TRIO: variants seen among roughly 807,000 people sequenced by gnomAD.
TRIO encodes the protein trio Rho guanine nucleotide exchange factor, also known as triple functional domain protein.
Under a neutral mutation model 351.9 loss-of-function variants are expected in TRIO, and 58 were observed. The ratio of observed to expected loss-of-function variants is 0.16; its 90% confidence interval spans 0.13 to 0.21. The LOEUF (loss-of-function observed/expected upper bound fraction) is 0.21. Ranked by LOEUF, TRIO falls within the 10% of genes least tolerant of loss-of-function variation. The pLI is 1.00. For missense variants in TRIO, 3,201 were observed against 4,027.8 expected, an observed-to-expected ratio of 0.79 and a Z score of 5.56; for synonymous variants, 1,758 against 1,595.7, an observed-to-expected ratio of 1.10 and a Z score of -2.42.
chr5:14,158,918 G>A (rs977864483), intron 1 of TRIO, among the ~76,000 whole-genome samples: 2 of 152,204 alleles, frequency 1.3e-5, no homozygotes, highest in Admixed American at 1.3e-4. Flanking sequence ...TTCAGTTATT[G>A]AGTGTTTACT....
intron 7 of TRIO, among the ~76,000 whole-genome samples, chr5:14,299,929 C>G (rs1383005890): frequency 6.6e-6 from 1 of 152,224 alleles, no homozygotes; most frequent in Non-Finnish European, 1.5e-5. Flanking sequence ...TGGTGGTGTG[C>G]TAGCATTTGC....
At chr5:14,326,192 C>G (rs1581624355) in intron 9 of TRIO, among the ~76,000 whole-genome samples, 1 of 152,322 alleles carries the variant, frequency 6.6e-6, no homozygotes, top group East Asian at 1.9e-4. Context: ...GGATGGCTCA[C>G]TGCACACACA....
rs55799712 is a variant in TRIO, at chr5:14,308,649, T to TCATC, written c.1500+4089_1500+4092dup. On this transcript the variant is annotated intron_variant, in intron 8 of 56. Coordinates refer to ENST00000344204, the MANE Select transcript of TRIO (RefSeq NM_007118.4). ...AACCAGTCACCCAACCACCCATTCA[T>TCATC]CATCCATCCATCCATCCATCCATCC... Among the ~76,000 whole-genome samples the TCATC allele has an allele frequency of 4.8e-3, 669 of 139,384 alleles. 4 individuals are homozygous for TCATC. Among genetic ancestry groups the TCATC allele is most frequent in the East Asian group, 0.011 (49 of 4,344 alleles). The allele number at this position is 139,384 out of a possible 152,430, so 91.4% of individuals were successfully genotyped here.
intron 34 of TRIO, among the ~76,000 whole-genome samples, chr5:14,454,633 G>A (rs1753110855): frequency 6.6e-6 from 1 of 152,210 alleles, no homozygotes; most frequent in Admixed American, 6.5e-5. Context: ...TTAAGCTCCA[G>A]GTGTATGCCA....
chr5:14,418,477 G>A (rs543681539), intron 33 of TRIO, among the ~76,000 whole-genome samples: 7 of 152,286 alleles, frequency 4.6e-5, no homozygotes, highest in Admixed American at 1.3e-4. Context: ...CTGCTCGACA[G>A]CATTTGGAGG....
In TRIO at chr5:14,406,044, C is replaced by T. The variant is rs942162275; in HGVS notation, c.4859+54C>T. On this transcript the variant is annotated intron_variant, in intron 32 of 56. Coordinates refer to ENST00000344204, the MANE Select transcript of TRIO (RefSeq NM_007118.4). ...GTGGATGTGGGAGGGAGGGGCGAGG[C>T]GGTGTTAGCTCACCCTGCTTCAAAA... The T allele has an allele frequency of 1.6e-5, 25 of 1,589,040 alleles. No individual in the cohort carries two copies. The African/African-American group carries it at 2.2e-4, about 14-fold the overall frequency.
In TRIO at chr5:14,363,892, A is replaced by G; in HGVS notation, c.2552A>G (p.Asp851Gly). Residue 851 changes from aspartate (D) to glycine (G), a missense_variant, in exon 14 of 57, where the codon GAT becomes GGT. By Grantham distance (94) the Asp-to-Gly change is moderately conservative. This residue lies in a region of TRIO where 363 missense variants were observed against 553.5 expected (regional missense o/e 0.66). Transcript: ENST00000344204. ...LTFDVIHQGQ[D>G]LLQYVNEVQA... ...TTTGACGTCATCCACCAAGGGCAAG[A>G]TCTTCTGCAGTATGTCAATGAGGTC... is the stretch of plus-strand genomic sequence containing the variant. 6.2e-7 allele frequency: 1 copy of G among 1,614,194 alleles called. No homozygotes were observed. The highest frequency in any genetic ancestry group is 8.5e-7 in the Non-Finnish European group (1 of 1,180,038).
chr5:14,420,260 G>A (rs1255862115), intron 34 of TRIO: 5 of 556,690 alleles, frequency 9.0e-6, no homozygotes, highest in African/African-American at 1.9e-5. Context: ...GGTGTAGTGA[G>A]ATATGACATC....
intron 1 of TRIO, among the ~76,000 whole-genome samples, chr5:14,246,043 T>G (rs1176818129): frequency 6.6e-6 from 1 of 152,200 alleles, no homozygotes; most frequent in Non-Finnish European, 1.5e-5. Flanking sequence ...AAAACACTCA[T>G]TATCCATTCC....
At chr5:14,389,247 T>C (rs1334324306) in intron 24 of TRIO, 42 bp from the exon 25 acceptor site, 3 of 1,460,860 alleles carry the variant, frequency 2.1e-6, no homozygotes, top group African/African-American at 1.4e-5. Flanking sequence ...CTTGAAAATA[T>C]GGTGATTATT....
chr5:14,223,969 A>G (rs1400775518), intron 1 of TRIO, among the ~76,000 whole-genome samples: 2 of 152,338 alleles, frequency 1.3e-5, no homozygotes, highest in South Asian at 2.1e-4. Flanking sequence ...CAGGAAGTAC[A>G]TAGTTAGAGA....
chr5:14,457,986 A>G (rs1199149119), intron 34 of TRIO, among the ~76,000 whole-genome samples: 2 of 151,460 alleles, frequency 1.3e-5, no homozygotes, highest in Non-Finnish European at 2.9e-5. Flanking sequence ...TGTTCTGCTT[A>G]TGAATGTTAA....
chr5:14,329,186 C>T (rs1449060518), intron 9 of TRIO, among the ~76,000 whole-genome samples: 1 of 152,206 alleles, frequency 6.6e-6, no homozygotes, highest in African/African-American at 2.4e-5. Context: ...TTGCCATTAG[C>T]AGAGCCATGG....
intron 25 of TRIO, 43 bp downstream of exon 25, chr5:14,389,441 T>C (rs555815147): frequency 1.1e-5 from 15 of 1,404,240 alleles, no homozygotes; most frequent in South Asian, 7.5e-5. Context: ...TTGAAATCCA[T>C]GTGCTGAAGT....
At chr5:14,144,162 CCG>C (rs1787346716) in intron 1 of TRIO, among the ~76,000 whole-genome samples, 1 of 152,178 alleles carries the variant, frequency 6.6e-6, no homozygotes, top group Non-Finnish European at 1.5e-5. Context: ...GCAGAATCCC[CCG>C]GTCTGCCGCT....
rs138173435 is a variant in TRIO, at chr5:14,272,003, A to G, written c.232+1104A>G. Among the ~76,000 whole-genome samples, 31 of 151,786 alleles carry G rather than the reference A, an allele frequency of 2.0e-4. 1 individual carries two copies. The highest frequency in any genetic ancestry group is 7.6e-4 in the African/African-American group (31 of 41,034). On this transcript the variant is annotated intron_variant, in intron 2 of 56. Coordinates refer to ENST00000344204, the MANE Select transcript of TRIO (RefSeq NM_007118.4). ...TTTGGAAGGTTCACAGAAGAGTGTA[A>G]GGAGTTCATGAAAAGAAGGTGCTTT...
intron 18 of TRIO, among the ~76,000 whole-genome samples, chr5:14,369,999 A>G (rs984473367): frequency 1.4e-4 from 21 of 152,174 alleles, no homozygotes; most frequent in African/African-American, 4.8e-4. Context: ...GCTGATACCT[A>G]CTCAGGAAAT....
chr5:14,194,899 TTA>T (rs1325169142), intron 1 of TRIO, among the ~76,000 whole-genome samples: 1 of 152,252 alleles, frequency 6.6e-6, no homozygotes, highest in East Asian at 1.9e-4. Context: ...GTTATACCAC[TTA>T]TACCCTTCTT....
intron 21 of TRIO, among the ~76,000 whole-genome samples, chr5:14,383,924 T>C (rs578176646): frequency 1.3e-5 from 2 of 152,330 alleles, no homozygotes; most frequent in Admixed American, 6.5e-5. Context: ...AGTGCACTTG[T>C]TACAATGTTA....
Sources: allele counts gnomAD v4.1 joint callset (sites outside exome capture counted in the v4.1 genomes callset), GRCh38; gene constraint gnomAD v4.1.1; regional missense constraint gnomAD v4.1.1; transcripts MANE v1.5; gene names NCBI Gene and HGNC (gene_info 2026-07-23, HGNC 2026-07-21).